PSD3: variants seen among roughly 807,000 people sequenced by gnomAD.
PSD3 encodes the protein pleckstrin and Sec7 domain containing 3.
Under a neutral mutation model 105.5 loss-of-function variants are expected in PSD3, and 49 were observed. That is an observed-to-expected ratio of 0.46 (90% CI 0.37 to 0.59). The LOEUF (loss-of-function observed/expected upper bound fraction) is 0.59, where lower values mean the gene tolerates loss of function less well. Ranked by LOEUF, PSD3 falls within the 20% of genes least tolerant of loss-of-function variation. The pLI is 0.00. For missense variants in PSD3, 1,561 were observed against 1,263.8 expected (o/e 1.24, Z -3.57); for synonymous variants, 557 against 457.8 (o/e 1.22, Z -2.77).
intron 14 of PSD3, among the ~76,000 whole-genome samples, chr8:18,570,613 A>T (rs1304359514): frequency 4.1e-5 from 6 of 146,176 alleles, no homozygotes; most frequent in Admixed American, 3.5e-4. Context: ...AATGAATTCA[A>T]ACAAATTTAC....
At chr8:18,823,169 G>C (rs1279293895) in intron 4 of PSD3, among the ~76,000 whole-genome samples, 2 of 151,122 alleles carry the variant, frequency 1.3e-5, no homozygotes, top group Non-Finnish European at 2.9e-5. Flanking sequence ...AGACCTGCCA[G>C]TCTGGAACTT....
rs1563360038 is a variant in PSD3 at position 18,865,251 on chromosome 8, TATATATATATATATATATATATATATA to T, written c.1634+2396_1634+2422del. 2.0e-3 allele frequency: 6 copies of T among 2,984 alleles called. 1 individual carries two copies. Among genetic ancestry groups the T allele is most frequent in the East Asian group, 0.02 (2 of 102 alleles). The allele number at this position is 2,984 out of a possible 1,614,324, so 0.2% of individuals were successfully genotyped here. A position where few individuals can be genotyped will look rare whatever the true frequency, so the allele number is the denominator to read the frequency against. Reference sequence around the variant, plus strand: ...ATATATATATATATATATATATATATATATATATATATATATATATATATATATATATATATTTTTTTTTTTTTTTTT... The same window carrying T: ...ATATATATATATATATATATATATATTATATATATTTTTTTTTTTTTTTTT... On this transcript the variant is annotated intron_variant, in intron 4 of 15. Transcript: ENST00000327040.
intron 4 of PSD3, among the ~76,000 whole-genome samples, chr8:18,828,910 C>T (rs1296589520): frequency 6.6e-6 from 1 of 152,070 alleles, no homozygotes; most frequent in Admixed American, 6.5e-5. Context: ...ATCAGGCTGG[C>T]CAACATGGTG....
At chr8:18,956,564 G>A (rs955913461) in intron 1 of PSD3, among the ~76,000 whole-genome samples, 4 of 152,126 alleles carry the variant, frequency 2.6e-5, no homozygotes, top group African/African-American at 9.7e-5. Flanking sequence ...GAGCAAGGGA[G>A]ACCTAATCAC....
At chr8:18,565,126 T>A (rs1172734670) in intron 14 of PSD3, among the ~76,000 whole-genome samples, 1 of 152,066 alleles carries the variant, frequency 6.6e-6, no homozygotes, top group Admixed American at 6.6e-5. Context: ...AACACACATG[T>A]GTCCCTGAGC....
At chr8:18,741,318 T>G (rs1804556727) in intron 9 of PSD3, among the ~76,000 whole-genome samples, 1 of 152,180 alleles carries the variant, frequency 6.6e-6, no homozygotes, top group African/African-American at 2.4e-5. Context: ...CTCCTTAATT[T>G]GCCCAATGTC....
chr8:18,744,523 T>C (rs904261938), intron 9 of PSD3, among the ~76,000 whole-genome samples: 3 of 152,258 alleles, frequency 2.0e-5, no homozygotes, highest in Non-Finnish European at 2.9e-5. Context: ...TTTTTGCTAT[T>C]GTATACAATG....
intron 2 of PSD3, among the ~76,000 whole-genome samples, chr8:18,933,746 G>GTGTGAGCAACTACGCCAGGCCAATGCC (rs1821897329): frequency 1.3e-5 from 2 of 152,212 alleles, no homozygotes; most frequent in African/African-American, 2.4e-5. Flanking sequence ...GGGATTAGAG[G>GTGTGAGCAACTACGCCAGGCCAATGCC]TGTGAGCAAC....
At chr8:18,813,482 G>T (rs1317034643) in intron 4 of PSD3, among the ~76,000 whole-genome samples, 1 of 152,166 alleles carries the variant, frequency 6.6e-6, no homozygotes, top group Non-Finnish European at 1.5e-5. Flanking sequence ...CACTCAACAT[G>T]ACCAAAGAAC....
At chr8:19,038,902 G>A (rs1334852816) in intron 1 of PSD3, among the ~76,000 whole-genome samples, 1 of 152,138 alleles carries the variant, frequency 6.6e-6, no homozygotes, top group African/African-American at 2.4e-5. Flanking sequence ...TTCCTATTTA[G>A]TATATGAGGC....
intron 8 of PSD3, among the ~76,000 whole-genome samples, chr8:18,785,296 T>C (rs567286409): frequency 1.6e-4 from 24 of 152,344 alleles, no homozygotes; most frequent in African/African-American, 5.8e-4. Flanking sequence ...CTAGACCTTC[T>C]GGATAGCTTG....
At chr8:18,602,226 G>T (rs537831300) in intron 11 of PSD3, among the ~76,000 whole-genome samples, 1 of 151,902 alleles carries the variant, frequency 6.6e-6, no homozygotes, top group Non-Finnish European at 1.5e-5. Flanking sequence ...TTCTACTTTC[G>T]CAGTAGATCA....
chr8:18,633,973 A>ATGG (rs74486535), intron 10 of PSD3, among the ~76,000 whole-genome samples: 6,775 of 152,072 alleles, frequency 0.045, 141 homozygotes, highest in East Asian at 0.061. Context: ...CTGGTGTCAG[A>ATGG]TGGTATCTCA....
At chr8:19,075,371 C>T (rs1004838308) in intron 1 of PSD3, among the ~76,000 whole-genome samples, 3 of 152,206 alleles carry the variant, frequency 2.0e-5, no homozygotes, top group African/African-American at 4.8e-5. Context: ...CCAAATTGTT[C>T]GGATTACAGG....
Position 18,535,216 on chromosome 8 carries a change from T to C in PSD3, c.*527A>G, listed in dbSNP as rs775762972. The C allele has an allele frequency of 5.6e-5, 9 of 159,300 alleles. No individual in the cohort carries two copies. Among genetic ancestry groups the C allele is most frequent in the Admixed American group, 3.0e-4 (5 of 16,786 alleles). 9.9% of individuals were successfully genotyped at this position (159,300 alleles called of 1,614,324 possible). A position where few individuals can be genotyped will look rare whatever the true frequency, so the allele number is the denominator to read the frequency against. On this transcript the variant is annotated 3_prime_UTR_variant, in exon 16 of 16. Transcript: ENST00000327040. ...AAGCTGCACATGAAGCTGCCTCATA[T>C]TGGAGCAACTAGATTCCCAGCACTG...
chr8:19,003,902 T>C (rs1826531064), intron 1 of PSD3, among the ~76,000 whole-genome samples: 1 of 152,058 alleles, frequency 6.6e-6, no homozygotes, highest in East Asian at 1.9e-4. Flanking sequence ...AATTAGGTTC[T>C]AGGGGCAACC....
At chr8:18,691,805 C>A (rs554068388) in intron 9 of PSD3, among the ~76,000 whole-genome samples, 18 of 152,160 alleles carry the variant, frequency 1.2e-4, no homozygotes, top group African/African-American at 3.4e-4. Context: ...GATCCCTGCC[C>A]TTGTGCTTCA....
At chr8:18,945,628 C>T (rs909781509) in intron 1 of PSD3, among the ~76,000 whole-genome samples, 2 of 152,208 alleles carry the variant, frequency 1.3e-5, no homozygotes, top group African/African-American at 4.8e-5. Flanking sequence ...CAGAAATATA[C>T]ACAAATACAC....
At chr8:18,792,200 C>G (rs780938911) in intron 8 of PSD3, among the ~76,000 whole-genome samples, 1 of 152,134 alleles carries the variant, frequency 6.6e-6, no homozygotes, top group South Asian at 2.1e-4. Context: ...TTTGACCTAG[C>G]AATCCCATTA....
Sources: gnomAD v4.1 joint callset for allele counts (sites outside exome capture counted in the v4.1 genomes callset) on GRCh38, gnomAD v4.1.1 for gene constraint, MANE v1.5 for transcripts, NCBI Gene and HGNC (gene_info 2026-07-23, HGNC 2026-07-21) for gene names.